MLC1: variants seen among roughly 807,000 people sequenced by gnomAD.
The protein encoded by MLC1 is membrane protein MLC1.
Under a neutral mutation model 44.7 loss-of-function variants are expected in MLC1, and 32 were observed. That is an observed-to-expected ratio of 0.72 (90% CI 0.54 to 0.96). The LOEUF (loss-of-function observed/expected upper bound fraction) is 0.96. MLC1 is among the 40% of genes least tolerant of loss of function. The pLI is 0.00. For synonymous variants in MLC1, 190 were observed against 213.0 expected, an observed-to-expected ratio of 0.89 and a Z score of 0.94; for missense variants, 459 against 492.2, an observed-to-expected ratio of 0.93 and a Z score of 0.64.
intron 8 of MLC1, 92 bp from the exon 9 acceptor site, chr22:50,070,675 C>G (rs1056731161): frequency 7.3e-7 from 1 of 1,360,842 alleles, no homozygotes; most frequent in African/African-American, 1.4e-5. Context: ...CCCCTCCATG[C>G]AGGCTGCCTG....
At chr22:50,081,008 A>AAAAAGAAAGAAAGAAAG (rs2062109519) in intron 3 of MLC1, among the ~76,000 whole-genome samples, 2 of 147,272 alleles carry the variant, frequency 1.4e-5, no homozygotes, top group Admixed American at 1.4e-4. Flanking sequence ...CTTGTCTCAA[A>AAAAAGAAAGAAAGAAAG]AAAAGAAAGA....
intron 9 of MLC1, among the ~76,000 whole-genome samples, chr22:50,069,175 C>T (rs575583489): frequency 9.7e-4 from 147 of 151,966 alleles, no homozygotes; most frequent in Middle Eastern, 3.4e-3. Context: ...TACAGACATG[C>T]GCCACCACAC....
At chr22:50,084,247 C>T (rs908261792) in intron 2 of MLC1, among the ~76,000 whole-genome samples, 8 of 152,158 alleles carry the variant, frequency 5.3e-5, no homozygotes, top group Non-Finnish European at 7.4e-5. Flanking sequence ...GGACATCTGG[C>T]GCTGCCCGTC....
At chr22:50,066,628 CCAG>C (rs1167784554) in intron 10 of MLC1, among the ~76,000 whole-genome samples, 1 of 151,220 alleles carries the variant, frequency 6.6e-6, no homozygotes, top group Non-Finnish European at 1.5e-5. Flanking sequence ...CCACTGCACT[CCAG>C]CCTGGGAGAC....
At chr22:50,079,166 C>G (rs1242700130) in intron 5 of MLC1, among the ~76,000 whole-genome samples, 2 of 152,016 alleles carry the variant, frequency 1.3e-5, no homozygotes, top group Non-Finnish European at 2.9e-5. Context: ...CGCCTGTAAT[C>G]CCAGCTACTC....
intron 5 of MLC1, among the ~76,000 whole-genome samples, chr22:50,077,827 T>G (rs1397951725): frequency 6.6e-6 from 1 of 152,196 alleles, no homozygotes. Context: ...ACGGAATGTT[T>G]AGAGTAGCTT....
chr22:50,081,571 C>T (rs1310886834), intron 3 of MLC1, among the ~76,000 whole-genome samples: 1 of 152,240 alleles, frequency 6.6e-6, no homozygotes, highest in African/African-American at 2.4e-5. Flanking sequence ...GCCTGTGGCC[C>T]TTGCCGTGCA....
At chr22:50,075,920 C>A (rs1034004989) in intron 7 of MLC1, among the ~76,000 whole-genome samples, 1 of 152,066 alleles carries the variant, frequency 6.6e-6, no homozygotes, top group African/African-American at 2.4e-5. Context: ...GGGGGACAGA[C>A]CCCGCATGGT....
At chr22:50,074,968 GC>G (rs1259154755) in intron 7 of MLC1, among the ~76,000 whole-genome samples, 1 of 152,254 alleles carries the variant, frequency 6.6e-6, no homozygotes, top group Non-Finnish European at 1.5e-5. Context: ...CGGTTGGAGA[GC>G]CCTGCTATAC....
chr22:50,085,588 C>G (rs1357467883), upstream of MLC1: 1 of 154,628 alleles, frequency 6.5e-6, no homozygotes, highest in Non-Finnish European at 1.4e-5. Context: ...AGGAAGGGGC[C>G]CTGCCTGTGC....
Position 50,065,659 on chromosome 22 carries a change from G to A in MLC1, c.895-1461C>T, listed in dbSNP as rs545213869. ...CATTGAGACGGAGGTGCTCCCACCC[G>A]TGTCACCGAACTCCAGCGTGACACC... is the stretch of plus-strand genomic sequence containing the variant. On this transcript the variant is annotated intron_variant, in intron 10 of 11. Transcript: ENST00000311597. Among the ~76,000 whole-genome samples, 9 of 152,310 alleles carry A rather than the reference G, an allele frequency of 5.9e-5. No individual in the cohort carries two copies. In the East Asian group the frequency reaches 1.5e-3, roughly 26 times the overall value.
At chr22:50,070,855 G>A (rs928185873) in intron 8 of MLC1, among the ~76,000 whole-genome samples, 5 of 152,194 alleles carry the variant, frequency 3.3e-5, no homozygotes, top group Non-Finnish European at 7.3e-5. Context: ...CAAGAGCAGT[G>A]GAGGGGGCAT....
intron 7 of MLC1, among the ~76,000 whole-genome samples, chr22:50,076,393 A>G (rs2061981289): frequency 6.6e-6 from 1 of 152,256 alleles, no homozygotes; most frequent in African/African-American, 2.4e-5. Flanking sequence ...TGCCTCTACT[A>G]AAAATAAAAT....
At chr22:50,063,785 C>A (rs1447643582) in intron 11 of MLC1, among the ~76,000 whole-genome samples, 1 of 145,518 alleles carries the variant, frequency 6.9e-6, no homozygotes, top group South Asian at 2.2e-4. Context: ...CTGGGCCCCC[C>A]ATGGGCCACT....
intron 1 of MLC1, 147 bp downstream of exon 1, chr22:50,085,208 G>T: frequency 7.9e-7 from 1 of 1,265,962 alleles, no homozygotes; most frequent in Admixed American, 3.4e-5. Flanking sequence ...GGCCCTCCAG[G>T]TGCAACACCT....
At position 50,077,449 on chromosome 22, in the gene MLC1, C is replaced by T. The variant is rs374829012; in HGVS notation, c.477G>A (p.Thr159=). ...CGCTGGACCGTGCAGCGATGATCAC[C>T]GTGGCCGCCATGAGCAGCTCCAGCA... The part of the protein sequence containing the change: ...LLLLELLMAA[T]VIIAARSSEE... Residue 159 remains threonine (T), a synonymous_variant, in exon 6 of 12, where the codon ACG becomes ACA. Transcript: ENST00000311597. 2.7e-4 allele frequency: 429 copies of T among 1,613,764 alleles called. No individual in the cohort carries two copies. The highest frequency in any genetic ancestry group is 3.4e-4 in the Non-Finnish European group (401 of 1,180,036).
intron 9 of MLC1, 114 bp downstream of exon 9, chr22:50,070,413 G>C: frequency 9.5e-7 from 1 of 1,055,656 alleles, no homozygotes; most frequent in Non-Finnish European, 1.4e-6. Flanking sequence ...CTGCAGCCCA[G>C]TCACTGCGCT....
chr22:50,081,439 ACAGCCTTCTTGTCCT>A (rs547715903), intron 3 of MLC1, among the ~76,000 whole-genome samples: 1,745 of 152,368 alleles, frequency 0.011, 15 homozygotes, highest in Non-Finnish European at 0.02. Flanking sequence ...AAGGAGTCCC[ACAGCCTTCTTGTCCT>A]CAGCCTTCTT....
chr22:50,061,153 T>G lies in MLC1; in HGVS notation c.*430A>C. On this transcript the variant is annotated 3_prime_UTR_variant, in exon 12 of 12. Coordinates refer to ENST00000311597, the MANE Select transcript of MLC1 (RefSeq NM_015166.4). Reference sequence around the variant, plus strand: ...GAGTACCCGGGACAGACCCTAAGCGTGGAGGGAGGAAGCCCGGTCAGAGTG... The same window carrying G: ...GAGTACCCGGGACAGACCCTAAGCGGGGAGGGAGGAAGCCCGGTCAGAGTG... 4 of 271,164 alleles carry G rather than the reference T, an allele frequency of 1.5e-5. No individual in the cohort carries two copies. Among genetic ancestry groups the G allele is most frequent in the East Asian group, 9.3e-5 (1 of 10,800 alleles). 16.8% of individuals were successfully genotyped at this position (271,164 alleles called of 1,614,324 possible).
Sources: allele counts gnomAD v4.1 joint callset (sites outside exome capture counted in the v4.1 genomes callset), GRCh38; gene constraint gnomAD v4.1.1; transcripts MANE v1.5; gene names NCBI Gene and HGNC (gene_info 2026-07-23, HGNC 2026-07-21).